The following DLGAP1 variants were observed in gnomAD, a reference collection of about 807,000 sequenced individuals.
DLGAP1 encodes DLG associated protein 1.
Under a neutral mutation model 90.8 loss-of-function variants are expected in DLGAP1, and 11 were observed. The ratio of observed to expected loss-of-function variants is 0.12; its 90% CI spans 0.08 to 0.20. The LOEUF (loss-of-function observed/expected upper bound fraction) is 0.20. Ranked by LOEUF, DLGAP1 falls within the 10% of genes least tolerant of loss-of-function variation. The probability of loss-of-function intolerance (pLI) is 1.00; values close to 1 mark genes in which losing one functional copy is unlikely to be tolerated. For missense variants in DLGAP1, 1,050 were observed against 1,333.8 expected (o/e 0.79, Z 3.31); for synonymous variants, 558 against 540.7 (o/e 1.03, Z -0.44).
chr18:4,099,238 A>ATCTATCTG lies in DLGAP1; in HGVS notation c.-159+51941_-159+51942insCAGATAGA, dbSNP rs1555739728. On this transcript the variant is annotated intron_variant, in intron 2 of 12. Transcript: ENST00000315677. ...CAGAGAGCCTGGAACTTGAAAATAG[A>ATCTATCTG]TCTGTCTGTCTGTCTGTCTGTCTGT... 8.5e-4 allele frequency among the ~76,000 whole-genome samples: 97 copies of ATCTATCTG among 114,066 alleles called. 1 individual carries two copies. In the South Asian group the frequency reaches 0.02, roughly 23 times the overall value. The allele number at this position is 114,066 out of a possible 152,430, so 74.8% of individuals were successfully genotyped here.
intron 7 of DLGAP1, among the ~76,000 whole-genome samples, chr18:3,710,608 T>C (rs1274464576): frequency 1.3e-5 from 2 of 152,262 alleles, no homozygotes; most frequent in Admixed American, 6.5e-5. Flanking sequence ...GTCACTGTTC[T>C]AAGAGCTGGA....
At chr18:3,745,469 A>C (rs1790136535) in intron 5 of DLGAP1, among the ~76,000 whole-genome samples, 2 of 152,202 alleles carry the variant, frequency 1.3e-5, no homozygotes, top group South Asian at 4.1e-4. Flanking sequence ...AGGCCAGTTA[A>C]GGTGGTTGCA....
intron 7 of DLGAP1, chr18:3,607,526 C>T (rs1289704336): frequency 1.3e-5 from 2 of 152,172 alleles, no homozygotes; most frequent in South Asian, 2.1e-4. Flanking sequence ...AAAAATCTAA[C>T]ATTATTTGAT....
intron 1 of DLGAP1, among the ~76,000 whole-genome samples, chr18:4,261,066 T>C (rs2078993384): frequency 6.6e-6 from 1 of 152,202 alleles, no homozygotes; most frequent in Non-Finnish European, 1.5e-5. Flanking sequence ...TCAGGAAACC[T>C]CTAGAATATT....
At position 4,342,581 on chromosome 18, in the gene DLGAP1, C is replaced by A. The variant is rs2081215114; in HGVS notation, c.-267+112425G>T. The stretch of plus-strand genomic sequence containing the variant: ...GATGAAATAATTTAATTACATCATT[C>A]TTTCCAAGAATCTGGCTTAGGCTGA... On this transcript the variant is annotated intron_variant, in intron 1 of 12. Transcript: ENST00000315677. This position sits in a 1 kb window ranked among gnomAD's most constrained non-coding sequence, Gnocchi z 5.8. 6.6e-6 allele frequency among the ~76,000 whole-genome samples: 1 copy of A among 151,702 alleles called. No individual in the cohort carries two copies. Among genetic ancestry groups the A allele is most frequent in the South Asian group, 2.1e-4 (1 of 4,812 alleles).
At chr18:3,725,872 G>A (rs1309211428) in intron 7 of DLGAP1, among the ~76,000 whole-genome samples, 1 of 152,276 alleles carries the variant, frequency 6.6e-6, no homozygotes, top group East Asian at 1.9e-4. Flanking sequence ...CTAGAGCTGA[G>A]CCCATCTTCA....
chr18:4,433,997 C>G (rs16946763), intron 1 of DLGAP1, among the ~76,000 whole-genome samples: 2,128 of 152,154 alleles, frequency 0.014, 65 homozygotes, highest in African/African-American at 0.049. Flanking sequence ...TCATGGTAAT[C>G]CAAATAGCTC....
chr18:3,920,534 A>T (rs1217301629), intron 3 of DLGAP1, among the ~76,000 whole-genome samples: 1 of 152,118 alleles, frequency 6.6e-6, no homozygotes, highest in Non-Finnish European at 1.5e-5. Context: ...GAGTATATTC[A>T]GTACGTCTAT....
At position 3,879,795 on chromosome 18, in the gene DLGAP1, G is replaced by C; in HGVS notation, c.274C>G (p.Leu92Val). The change falls in exon 4 of 13, where the codon CTG becomes GTG. Residue 92 changes from leucine (L) to valine (V), a missense_variant. Physicochemically the swap from Leu to Val is conservative, Grantham distance 32. Coordinates refer to ENST00000315677, the MANE Select transcript of DLGAP1 (RefSeq NM_004746.4). The surrounding 1 kb of genome is among the most constrained non-coding windows in gnomAD (Gnocchi z 6.6). ...GGGATGCGGTTCGCCTTGGTGGCCA[G>C]GGTGCGGGGCACCAGGGCACACTCG... is the stretch of plus-strand genomic sequence containing the variant. ...KDECALVPRT[L>V]ATKANRIPAN... The C allele has an allele frequency of 1.9e-6, 3 of 1,607,512 alleles. No homozygotes were observed. Among genetic ancestry groups the C allele is most frequent in the Non-Finnish European group, 2.5e-6 (3 of 1,179,902 alleles).
chr18:3,586,726 A>G (rs757926767), intron 7 of DLGAP1, among the ~76,000 whole-genome samples: 7 of 152,202 alleles, frequency 4.6e-5, no homozygotes, highest in Non-Finnish European at 7.3e-5. Context: ...TCCAAAACTC[A>G]TACAACGAAA....
At position 4,084,923 on chromosome 18, in the gene DLGAP1, T is replaced by A. The variant is rs1255668557; in HGVS notation, c.-159+66257A>T. ...TTAAGTTTTGTTGTTTATGATTGAC[T>A]CTAAATCAAAGAGAGCATGCTGCAA... On this transcript the variant is annotated intron_variant, in intron 2 of 12. Coordinates refer to ENST00000315677, the MANE Select transcript of DLGAP1 (RefSeq NM_004746.4). The surrounding 1 kb of genome is among the most constrained non-coding windows in gnomAD (Gnocchi z 4.0). Among the ~76,000 whole-genome samples, 1 of 150,268 alleles carries A rather than the reference T, an allele frequency of 6.7e-6. No individual in the cohort carries two copies. The highest frequency in any genetic ancestry group is 1.5e-5 in the Non-Finnish European group (1 of 67,654).
rs758303012 is a variant in DLGAP1, at chr18:4,448,932, C to A, written c.-267+6074G>T. On this transcript the variant is annotated intron_variant, in intron 1 of 12. Transcript: ENST00000315677. ...CCTCCCACAACACTTTCCACCTCAT[C>A]CCTGTGATCTGATTTATTCTTTGAG... 2.3e-4 allele frequency among the ~76,000 whole-genome samples: 34 copies of A among 150,640 alleles called. 1 individual carries two copies. Among genetic ancestry groups the A allele is most frequent in the Non-Finnish European group, 4.6e-4 (31 of 67,196 alleles).
intron 1 of DLGAP1, among the ~76,000 whole-genome samples, chr18:4,444,856 T>C (rs930153330): frequency 6.6e-6 from 1 of 152,176 alleles, no homozygotes; most frequent in African/African-American, 2.4e-5. Context: ...TTCAAAAACT[T>C]TGATATGTAA....
chr18:4,150,203 G>A (rs1291859283), intron 2 of DLGAP1, among the ~76,000 whole-genome samples: 2 of 152,168 alleles, frequency 1.3e-5, no homozygotes, highest in East Asian at 3.9e-4. Flanking sequence ...TCTCAAGCAA[G>A]TAACGCAGAC....
chr18:3,988,059 G>A (rs922002918), intron 3 of DLGAP1, among the ~76,000 whole-genome samples: 1 of 151,920 alleles, frequency 6.6e-6, no homozygotes, highest in Non-Finnish European at 1.5e-5. Flanking sequence ...CTCACCATAA[G>A]GTAGAATCAA....
intron 1 of DLGAP1, chr18:4,293,306 G>A (rs2079895172): frequency 1.3e-5 from 2 of 152,204 alleles, no homozygotes; most frequent in Non-Finnish European, 2.9e-5. Flanking sequence ...CTCAGTGGAT[G>A]GTCAAGTTTG....
At chr18:3,678,065 G>A (rs573065553) in intron 7 of DLGAP1, among the ~76,000 whole-genome samples, 2 of 149,124 alleles carry the variant, frequency 1.3e-5, no homozygotes, top group African/African-American at 4.9e-5. Context: ...AGGTTCAAGC[G>A]ATTCTCCTGC....
chr18:3,867,054 ATG>A (rs1233218185), intron 4 of DLGAP1, among the ~76,000 whole-genome samples: 5 of 152,046 alleles, frequency 3.3e-5, no homozygotes, highest in Non-Finnish European at 5.9e-5. Context: ...GGGTTTCACT[ATG>A]TTGGCCATGC....
At chr18:3,819,326 T>C (rs900223184) in intron 4 of DLGAP1, among the ~76,000 whole-genome samples, 1 of 152,130 alleles carries the variant, frequency 6.6e-6, no homozygotes, top group African/African-American at 2.4e-5. Context: ...ATTTTTTGTG[T>C]CACTAAGAAA....
Sources: allele counts gnomAD v4.1 joint callset (sites outside exome capture counted in the v4.1 genomes callset), GRCh38; gene constraint gnomAD v4.1.1; non-coding constraint Gnocchi (gnomAD v3.1); transcripts MANE v1.5; gene names NCBI Gene and HGNC (gene_info 2026-07-23, HGNC 2026-07-21).